The following DOCK7 variants were observed in gnomAD, a reference collection of about 807,000 sequenced individuals.
DOCK7 encodes the protein dedicator of cytokinesis 7.
DOCK7 carries 138 observed loss-of-function variants against 271.0 expected under a neutral mutation model. The ratio of observed to expected loss-of-function variants is 0.51; its 90% confidence interval spans 0.44 to 0.59. DOCK7 has a LOEUF of 0.59. Among genes scored for constraint, DOCK7 ranks in the 20% least tolerant of loss-of-function variants. The pLI is 0.00. For synonymous variants in DOCK7, 823 were observed against 876.1 expected (o/e 0.94, Z 1.07); for missense variants, 2,066 against 2,592.4 (o/e 0.80, Z 4.41).
At chr1:62,627,430 T>C (rs993247135) in intron 11 of DOCK7, 1 of 151,750 alleles carries the variant, frequency 6.6e-6, no homozygotes, top group African/African-American at 2.4e-5. Flanking sequence ...AAAAGAAAAG[T>C]GAACTACTTT....
chr1:62,480,996 G>A (rs1284487268), intron 43 of DOCK7, among the ~76,000 whole-genome samples: 15 of 105,218 alleles, frequency 1.4e-4, no homozygotes, highest in African/African-American at 3.6e-4. Flanking sequence ...GCGACAGAGC[G>A]AGACTCCGTC....
intron 2 of DOCK7, among the ~76,000 whole-genome samples, chr1:62,656,726 C>T (rs1489601768): frequency 6.6e-6 from 1 of 150,600 alleles, no homozygotes; most frequent in Admixed American, 6.6e-5. Context: ...TTTCTTTTTG[C>T]CTTATACATT....
At chr1:62,664,262 A>G (rs1056928965) in intron 1 of DOCK7, among the ~76,000 whole-genome samples, 1 of 152,208 alleles carries the variant, frequency 6.6e-6, no homozygotes, top group African/African-American at 2.4e-5. Flanking sequence ...TATAGCTCCC[A>G]TAATTCCCAT....
At chr1:62,588,759 G>A (rs1340387582) in intron 14 of DOCK7, among the ~76,000 whole-genome samples, 1 of 151,746 alleles carries the variant, frequency 6.6e-6, no homozygotes, top group Non-Finnish European at 1.5e-5. Context: ...ATTTTTTTAA[G>A]AGACAAGGTC....
rs80266064 is a variant in DOCK7 at position 62,471,479 on chromosome 1, T to C, written c.6212+2503A>G. ...GAGTTCGAGACCAGCCAGGGCAACA[T>C]AGCGAGACTTCATCTCTACCAAAAA... On this transcript the variant is annotated intron_variant, in intron 48 of 49. Transcript: ENST00000635253. Among the ~76,000 whole-genome samples the C allele has an allele frequency of 1.4e-3, 209 of 152,242 alleles. 4 individuals are homozygous for C. The East Asian group carries it at 0.024, about 18-fold the overall frequency.
chr1:62,518,544 A>G (rs1644745157), intron 31 of DOCK7, among the ~76,000 whole-genome samples: 1 of 150,960 alleles, frequency 6.6e-6, no homozygotes, highest in Admixed American at 6.6e-5. Context: ...ACTGCACTCC[A>G]GCCTGGGTGA....
rs1441692991 is a variant in DOCK7, at chr1:62,552,856, C to A, written c.2642G>T (p.Arg881Ile). 1.9e-6 allele frequency: 3 copies of A among 1,613,734 alleles called. No individual in the cohort carries two copies. In the Admixed American group the frequency reaches 5.0e-5, roughly 27 times the overall value. ...GGSVHYATMA[R>I]SAVRPASLNL... ...AAGGCTTGCAGGTCTCACCGCAGATCTAGCCATTGTGGCATAATGCACTGA... is the reference window on the plus strand; with the variant it reads ...AAGGCTTGCAGGTCTCACCGCAGATATAGCCATTGTGGCATAATGCACTGA... The change falls in exon 22 of 50, where the codon AGA (arginine) becomes ATA (isoleucine). Residue 881 changes from arginine (R) to isoleucine (I), a missense_variant. Arg to Ile is a moderately conservative substitution (Grantham distance 97, BLOSUM62 -3). Coordinates refer to ENST00000635253, the MANE Select transcript of DOCK7 (RefSeq NM_001367561.1).
At chr1:62,664,311 T>A (rs759968832) in intron 1 of DOCK7, among the ~76,000 whole-genome samples, 4 of 152,220 alleles carry the variant, frequency 2.6e-5, no homozygotes, top group Non-Finnish European at 5.9e-5. Flanking sequence ...AACTGAATCA[T>A]GGGGTCAGTT....
chr1:62,592,068 A>G (rs1648533049), intron 14 of DOCK7, among the ~76,000 whole-genome samples: 1 of 152,186 alleles, frequency 6.6e-6, no homozygotes, highest in African/African-American at 2.4e-5. Context: ...ACTACGTTTG[A>G]TTTCCAATAT....
At chr1:62,517,645 A>AACC (rs1470112213) in intron 31 of DOCK7, among the ~76,000 whole-genome samples, 1 of 152,150 alleles carries the variant, frequency 6.6e-6, no homozygotes, top group Non-Finnish European at 1.5e-5. Flanking sequence ...CTCTCTTCAC[A>AACC]ACCACCACTT....
At chr1:62,636,333 CTCTT>C (rs1284478649) in intron 8 of DOCK7, among the ~76,000 whole-genome samples, 200 bp downstream of exon 8, 1 of 152,198 alleles carries the variant, frequency 6.6e-6, no homozygotes, top group Non-Finnish European at 1.5e-5. Context: ...GCTTTTAACA[CTCTT>C]TCAGTGAAAC....
At chr1:62,521,060 C>T (rs1644833273) in intron 31 of DOCK7, among the ~76,000 whole-genome samples, 1 of 149,312 alleles carries the variant, frequency 6.7e-6, no homozygotes, top group Non-Finnish European at 1.5e-5. Context: ...AATGAGAACA[C>T]ATGAACACAG....
intron 14 of DOCK7, among the ~76,000 whole-genome samples, chr1:62,617,937 CATA>C (rs1015539556): frequency 6.6e-6 from 1 of 151,862 alleles, no homozygotes; most frequent in Non-Finnish European, 1.5e-5. Flanking sequence ...GGAGAGAAAT[CATA>C]ATAATTCCAA....
intron 16 of DOCK7, among the ~76,000 whole-genome samples, chr1:62,581,522 T>C (rs773181710): frequency 1.1e-4 from 17 of 152,232 alleles, no homozygotes; most frequent in Non-Finnish European, 2.5e-4. Context: ...GTATGTCCAG[T>C]AGGCCACTAA....
At position 62,542,667 on chromosome 1, in the gene DOCK7, A is replaced by G. The variant is rs938928914; in HGVS notation, c.2986T>C (p.Cys996Arg). Residue 996 changes from cysteine (C) to arginine (R), a missense_variant, in exon 25 of 50, where the codon TGC becomes CGC. Transcript: ENST00000635253. ...GCTGATTCCCGAACGCTGCCACTGCAAACAACCCACTGCAAAGCCAGCTCC... is the reference window on the plus strand; with the variant it reads ...GCTGATTCCCGAACGCTGCCACTGCGAACAACCCACTGCAAAGCCAGCTCC... ...HEELALQWVVCSGSVRESALQ... is the reference protein window; with the variant it reads ...HEELALQWVVRSGSVRESALQ... 1 of 1,613,100 alleles carries G rather than the reference A, an allele frequency of 6.2e-7. No individual in the cohort carries two copies. The highest frequency in any genetic ancestry group is 8.5e-7 in the Non-Finnish European group (1 of 1,179,492).
chr1:62,543,696 C>T lies in DOCK7; in HGVS notation c.2909G>A (p.Ser970Asn). ...NRMSSHTETSSFLQTLTGRLP... is the reference protein window; with the variant it reads ...NRMSSHTETSNFLQTLTGRLP... ...GCGTCCCGTTAATGTTTGTAAGAAA[C>T]TTGACGTCTCTGTGTGCGAAGACAT... The change falls in exon 24 of 50, where the codon AGT becomes AAT. Residue 970 changes from serine to asparagine, a missense_variant. By Grantham distance (46) the Ser-to-Asn change is conservative (BLOSUM62 1). Transcript: ENST00000635253. 1 of 1,604,810 alleles carries T rather than the reference C, an allele frequency of 6.2e-7. No homozygotes were observed. Among genetic ancestry groups the T allele is most frequent in the Non-Finnish European group, 8.5e-7 (1 of 1,173,248 alleles).
rs150428533 is a variant in DOCK7 at position 62,596,269 on chromosome 1, A to T, written c.1683-9645T>A. 9.8e-5 allele frequency among the ~76,000 whole-genome samples: 15 copies of T among 152,288 alleles called. No individual in the cohort carries two copies. In the East Asian group the frequency reaches 2.9e-3, roughly 29 times the overall value. On this transcript the variant is annotated intron_variant, in intron 14 of 49. Coordinates refer to ENST00000635253, the MANE Select transcript of DOCK7 (RefSeq NM_001367561.1). The stretch of plus-strand genomic sequence containing the variant: ...AGACTAATCCATGGGGAGGTTAAGT[A>T]ACTTGTCCAAGGCCAGACAGCTAGA...
At chr1:62,461,226 AAC>A (rs1466291235) in intron 48 of DOCK7, among the ~76,000 whole-genome samples, 2 of 152,182 alleles carry the variant, frequency 1.3e-5, no homozygotes, top group African/African-American at 4.8e-5. Context: ...ATTCCTAGTC[AAC>A]AGAGTACTGG....
chr1:62,488,871 C>T (rs896908415), intron 42 of DOCK7, 63 bp downstream of exon 42: 1 of 1,602,172 alleles, frequency 6.2e-7, no homozygotes, highest in African/African-American at 1.3e-5. Context: ...CAGTGCAAAA[C>T]AACATTAATG....
Sources: allele counts gnomAD v4.1 joint callset (sites outside exome capture counted in the v4.1 genomes callset), GRCh38; gene constraint gnomAD v4.1.1; transcripts MANE v1.5; gene names NCBI Gene and HGNC (gene_info 2026-07-23, HGNC 2026-07-21).